Variants in HNF4G observed in about 807,000 individuals in gnomAD.
HNF4G encodes hepatocyte nuclear factor 4-gamma.
In HNF4G, 21 loss-of-function variants were observed where a neutral mutation model predicts 50.9. That is an observed-to-expected ratio of 0.41 (90% CI 0.29 to 0.59). HNF4G has a LOEUF of 0.59. Among genes scored for constraint, HNF4G ranks in the 20% least tolerant of loss-of-function variants. HNF4G has a pLI of 0.26. For synonymous variants in HNF4G, 198 were observed against 185.6 expected, an observed-to-expected ratio of 1.07 and a Z score of -0.54; for missense variants, 527 against 559.4, an observed-to-expected ratio of 0.94 and a Z score of 0.58.
chr8:75,515,614 G>A (rs1273806662), intron 2 of HNF4G, among the ~76,000 whole-genome samples: 1 of 152,126 alleles, frequency 6.6e-6, no homozygotes, highest in East Asian at 1.9e-4. Flanking sequence ...TGGAGTCAAA[G>A]GGCCAAAACC....
At chr8:75,552,261 G>A (rs892026288) in intron 4 of HNF4G, among the ~76,000 whole-genome samples, 1 of 152,054 alleles carries the variant, frequency 6.6e-6, no homozygotes, top group African/African-American at 2.4e-5. Flanking sequence ...ATTATTACTT[G>A]AAGATTGCTT....
intron 2 of HNF4G, among the ~76,000 whole-genome samples, chr8:75,531,868 G>A (rs955090582): frequency 6.6e-6 from 1 of 151,856 alleles, no homozygotes; most frequent in African/African-American, 2.4e-5. Flanking sequence ...GCCCCATATG[G>A]ATACTAAAAG....
intron 1 of HNF4G, among the ~76,000 whole-genome samples, chr8:75,442,272 G>T (rs1211546728): frequency 6.6e-6 from 1 of 152,070 alleles, no homozygotes. Flanking sequence ...TTTATAGCCT[G>T]GGTATCGGGT....
rs1387664402 is a variant in HNF4G, at chr8:75,564,890, A to G, written c.*794A>G. 2 of 152,186 alleles carry G rather than the reference A, an allele frequency of 1.3e-5. No homozygotes were observed. Among genetic ancestry groups the G allele is most frequent in the Non-Finnish European group, 2.9e-5 (2 of 68,030 alleles). The allele number at this position is 152,186 out of a possible 1,614,324, so 9.4% of individuals were successfully genotyped here. Reference sequence around the variant, plus strand: ...TTATCCATTGACTAGAAATTAGTACATGCCCACAGCTGGCTCCCACGGTAG... The same window carrying G: ...TTATCCATTGACTAGAAATTAGTACGTGCCCACAGCTGGCTCCCACGGTAG... On this transcript the variant is annotated 3_prime_UTR_variant, in exon 10 of 10. Transcript: ENST00000396423.
intron 2 of HNF4G, among the ~76,000 whole-genome samples, chr8:75,494,302 A>G (rs560371651): frequency 0.081 from 1,051 of 13,042 alleles, 8 homozygotes; most frequent in South Asian, 0.18. Flanking sequence ...CCCATACAGC[A>G]CACACACACA....
chr8:75,475,122 G>T (rs879583013), intron 1 of HNF4G, among the ~76,000 whole-genome samples: 4 of 151,988 alleles, frequency 2.6e-5, no homozygotes, highest in Non-Finnish European at 5.9e-5. Flanking sequence ...CGATTCTCCT[G>T]CCTCAGCCTC....
intron 1 of HNF4G, among the ~76,000 whole-genome samples, chr8:75,430,239 C>G (rs898242177): frequency 6.6e-6 from 1 of 151,926 alleles, no homozygotes; most frequent in Admixed American, 6.6e-5. Flanking sequence ...ACTAACAAAT[C>G]AAGAGAAGTA....
At chr8:75,506,316 A>G (rs1000773358) in intron 2 of HNF4G, among the ~76,000 whole-genome samples, 2 of 152,164 alleles carry the variant, frequency 1.3e-5, no homozygotes, top group Admixed American at 6.5e-5. Context: ...AAGACCTATC[A>G]TAAAATTTAC....
At position 75,430,504 on chromosome 8, in the gene HNF4G, GA is replaced by G. The variant is rs1355285969; in HGVS notation, c.-144+22343del. Among the ~76,000 whole-genome samples, 302 of 143,324 alleles carry G rather than the reference GA, an allele frequency of 2.1e-3. 2 individuals are homozygous for G. Among genetic ancestry groups the G allele is most frequent in the African/African-American group, 7.2e-3 (267 of 36,940 alleles). The allele number at this position is 143,324 out of a possible 152,430, so 94.0% of individuals were successfully genotyped here. A position where few individuals can be genotyped will look rare whatever the true frequency, so the allele number is the denominator to read the frequency against. ...AGAGAGAGAGAGAGAGAGAGAGAGG[GA>G]GAGAGAGAGAGAGAGAGCAAGAGAG... On this transcript the variant is annotated intron_variant, in intron 1 of 10. Transcript: ENST00000354370.
intron 1 of HNF4G, among the ~76,000 whole-genome samples, chr8:75,439,512 C>T (rs534829413): frequency 6.6e-6 from 1 of 152,040 alleles, no homozygotes; most frequent in South Asian, 2.1e-4. Context: ...AGGCTTCTGA[C>T]TTTCATTTTT....
chr8:75,412,238 A>G (rs1344598481), intron 1 of HNF4G, among the ~76,000 whole-genome samples: 3 of 152,204 alleles, frequency 2.0e-5, no homozygotes, highest in Non-Finnish European at 4.4e-5. Flanking sequence ...CACACCAAGT[A>G]TAGTTCCATG....
chr8:75,556,811 C>T (rs1281366603), intron 6 of HNF4G, among the ~76,000 whole-genome samples: 1 of 152,060 alleles, frequency 6.6e-6, no homozygotes, highest in Non-Finnish European at 1.5e-5. Context: ...AAATTGAAGA[C>T]AATATAACAA....
At chr8:75,443,172 G>A (rs1390002900) in intron 1 of HNF4G, among the ~76,000 whole-genome samples, 1 of 152,078 alleles carries the variant, frequency 6.6e-6, no homozygotes, top group Non-Finnish European at 1.5e-5. Context: ...AACCTAGACT[G>A]GGCCTTCACC....
In HNF4G at chr8:75,510,166, A is replaced by C. The variant is rs539747266; in HGVS notation, c.-24+19958A>C. ...GTGTGTGTATTTGTCTTAATATTTT[A>C]ACAAAAGTTTAAAAAGTAAAAAAAA... On this transcript the variant is annotated intron_variant, in intron 2 of 10. Coordinates refer to the HNF4G transcript ENST00000354370. 6.0e-4 allele frequency among the ~76,000 whole-genome samples: 92 copies of C among 152,228 alleles called. No individual in the cohort carries two copies. The South Asian group carries it at 0.011, about 19-fold the overall frequency.
intron 1 of HNF4G, among the ~76,000 whole-genome samples, chr8:75,417,810 T>A (rs1290437809): frequency 6.6e-6 from 1 of 152,174 alleles, no homozygotes; most frequent in Non-Finnish European, 1.5e-5. Flanking sequence ...AACATGAAAT[T>A]TTAATTGAAA....
intron 2 of HNF4G, among the ~76,000 whole-genome samples, chr8:75,546,475 A>G (rs566386468): frequency 6.6e-6 from 1 of 152,014 alleles, no homozygotes; most frequent in East Asian, 1.9e-4. Context: ...CATTTTCATC[A>G]CCTTATAAAG....
intron 1 of HNF4G, among the ~76,000 whole-genome samples, chr8:75,441,115 G>A (rs749083883): frequency 1.3e-4 from 19 of 151,994 alleles, no homozygotes; most frequent in Non-Finnish European, 2.2e-4. Context: ...AAAATATTGC[G>A]TGGTTCTATT....
intron 2 of HNF4G, among the ~76,000 whole-genome samples, chr8:75,520,449 G>C (rs1231304680): frequency 6.8e-6 from 1 of 147,832 alleles, no homozygotes; most frequent in Non-Finnish European, 1.5e-5. Context: ...TTAAATTTTT[G>C]TTCTTTGAGA....
chr8:75,538,329 G>C (rs1351338748), upstream of HNF4G, among the ~76,000 whole-genome samples: 1 of 152,144 alleles, frequency 6.6e-6, no homozygotes, highest in African/African-American at 2.4e-5. Context: ...ACAGACTAGG[G>C]TAGAAGGATA....
Sources: allele counts gnomAD v4.1 joint callset (sites outside exome capture counted in the v4.1 genomes callset), GRCh38; gene constraint gnomAD v4.1.1; transcripts MANE v1.5; gene names NCBI Gene and HGNC (gene_info 2026-07-23, HGNC 2026-07-21).